Variants in RBFOX1 observed in about 807,000 individuals in gnomAD.
RBFOX1 encodes RNA binding fox-1 homolog 1, also known as RNA binding protein fox-1 homolog 1.
RBFOX1 carries 8 observed loss-of-function variants against 57.7 expected under a neutral mutation model. The observed-to-expected ratio is 0.14, with a 90% CI of 0.08 to 0.25. The LOEUF (loss-of-function observed/expected upper bound fraction) is 0.25. Among genes scored for constraint, RBFOX1 ranks in the 10% least tolerant of loss-of-function variants. RBFOX1 has a pLI of 1.00. For synonymous variants in RBFOX1, 326 were observed against 222.4 expected (o/e 1.47, Z -4.15); for missense variants, 611 against 548.5 (o/e 1.11, Z -1.14).
At chr16:6,390,509 G>A (rs1211757974) in intron 2 of RBFOX1, among the ~76,000 whole-genome samples, 1 of 151,956 alleles carries the variant, frequency 6.6e-6, no homozygotes, top group Non-Finnish European at 1.5e-5. Context: ...AAAAAACAGA[G>A]AAGGTGTCAG....
At chr16:5,439,000 T>G (rs2068001063) in intron 1 of RBFOX1, among the ~76,000 whole-genome samples, 1 of 136,056 alleles carries the variant, frequency 7.3e-6, no homozygotes, top group Admixed American at 7.5e-5. Flanking sequence ...CTGCATATTG[T>G]GAAGGAAACA....
chr16:6,441,262 A>G (rs1203875026), intron 2 of RBFOX1, among the ~76,000 whole-genome samples: 7 of 152,092 alleles, frequency 4.6e-5, no homozygotes, highest in Non-Finnish European at 1.0e-4. Flanking sequence ...AGAGAGTTGT[A>G]AGTATCTCTG....
intron 3 of RBFOX1, among the ~76,000 whole-genome samples, chr16:5,723,997 T>G (rs529557133): frequency 1.2e-4 from 17 of 145,142 alleles, no homozygotes; most frequent in African/African-American, 4.6e-4. Flanking sequence ...AAGAAGAGTG[T>G]CGGTGTATAG....
chr16:5,755,485 A>G (rs1292221251), intron 3 of RBFOX1, among the ~76,000 whole-genome samples: 1 of 152,192 alleles, frequency 6.6e-6, no homozygotes, highest in Non-Finnish European at 1.5e-5. Flanking sequence ...AGTGTTAGGT[A>G]GACCAAAGCA....
At chr16:7,203,140 A>G (rs757858354) in intron 4 of RBFOX1, among the ~76,000 whole-genome samples, 1 of 152,222 alleles carries the variant, frequency 6.6e-6, no homozygotes, top group African/African-American at 2.4e-5. Flanking sequence ...GACTAATACA[A>G]GTGTTTATCA....
chr16:6,595,769 C>T (rs961794772), intron 2 of RBFOX1, among the ~76,000 whole-genome samples: 10 of 152,194 alleles, frequency 6.6e-5, no homozygotes, highest in African/African-American at 1.9e-4. Context: ...TGAAGTACAG[C>T]TCATCATGGA....
At chr16:6,095,103 T>G (rs1264558267) in intron 1 of RBFOX1, among the ~76,000 whole-genome samples, 1 of 152,272 alleles carries the variant, frequency 6.6e-6, no homozygotes, top group East Asian at 1.9e-4. Flanking sequence ...TGAAACCCAG[T>G]GGATTCCTTA....
At chr16:7,217,054 T>TTC (rs2092217794) in intron 4 of RBFOX1, among the ~76,000 whole-genome samples, 21 of 77,022 alleles carry the variant, frequency 2.7e-4, no homozygotes, top group African/African-American at 1.0e-3. Flanking sequence ...CCTCCCTCCC[T>TTC]CTCTCTCCCT....
At chr16:7,518,456 C>T in intron 5 of RBFOX1, 67 bp downstream of exon 5, 3 of 1,532,066 alleles carry the variant, frequency 2.0e-6, no homozygotes, top group African/African-American at 1.4e-5. Context: ...GTAATGGCAG[C>T]GGGGGTGCAC....
At chr16:5,931,736 T>G (rs1334925394) in intron 4 of RBFOX1, among the ~76,000 whole-genome samples, 1 of 152,116 alleles carries the variant, frequency 6.6e-6, no homozygotes, top group African/African-American at 2.4e-5. Context: ...AAATGGCCCC[T>G]GAGATTCCCT....
At chr16:7,134,926 CTT>C (rs575938480) in intron 4 of RBFOX1, among the ~76,000 whole-genome samples, 1 of 141,992 alleles carries the variant, frequency 7.0e-6, no homozygotes, top group African/African-American at 2.6e-5. Context: ...TTGAATTTAT[CTT>C]TTTTTTTTTT....
At chr16:6,611,486 G>C (rs577377421) in intron 2 of RBFOX1, among the ~76,000 whole-genome samples, 1 of 152,028 alleles carries the variant, frequency 6.6e-6, no homozygotes, top group African/African-American at 2.4e-5. Flanking sequence ...TGTTTCCCTC[G>C]GAGAGGTCTC....
intron 3 of RBFOX1, among the ~76,000 whole-genome samples, chr16:5,684,540 T>C (rs2050444073): frequency 6.6e-6 from 1 of 152,212 alleles, no homozygotes; most frequent in Admixed American, 6.5e-5. Flanking sequence ...CACAAACACC[T>C]ACATTTCTCT....
At chr16:7,469,517 G>A (rs2061171185) in intron 4 of RBFOX1, among the ~76,000 whole-genome samples, 2 of 151,986 alleles carry the variant, frequency 1.3e-5, no homozygotes, top group African/African-American at 4.8e-5. Context: ...GCTTGCATGT[G>A]GCATCCTCCA....
Position 5,327,768 on chromosome 16 carries a change from C to T in RBFOX1, c.219+87663C>T, listed in dbSNP as rs58358467. Among the ~76,000 whole-genome samples the T allele has an allele frequency of 7.4e-3, 1,127 of 152,246 alleles. 22 individuals are homozygous for T. The highest frequency in any genetic ancestry group is 0.026 in the African/African-American group (1,060 of 41,542). The stretch of plus-strand genomic sequence containing the variant: ...GAGTCTCTTACCTCATTAAGCCAAG[C>T]GAAAATGAATTACACAAAGATAATT... On this transcript the variant is annotated intron_variant, in intron 1 of 2. Coordinates refer to the RBFOX1 transcript ENST00000585867.
intron 2 of RBFOX1, among the ~76,000 whole-genome samples, chr16:6,349,568 G>C (rs1567990800): frequency 6.6e-6 from 1 of 152,346 alleles, no homozygotes; most frequent in African/African-American, 2.4e-5. Flanking sequence ...TAAACAATTT[G>C]CATGGCTTAC....
chr16:6,227,361 C>G (rs184002373), intron 1 of RBFOX1, among the ~76,000 whole-genome samples: 2 of 152,268 alleles, frequency 1.3e-5, no homozygotes, highest in African/African-American at 4.8e-5. Flanking sequence ...ACCACATTTT[C>G]AGAAAGAGTG....
chr16:5,508,840 G>T (rs1218659339), intron 2 of RBFOX1, among the ~76,000 whole-genome samples: 1 of 152,208 alleles, frequency 6.6e-6, no homozygotes, highest in African/African-American at 2.4e-5. Flanking sequence ...CTGGAATGTG[G>T]TGGGACTGTA....
chr16:5,986,198 G>A (rs1019890325), intron 4 of RBFOX1, among the ~76,000 whole-genome samples: 3 of 151,836 alleles, frequency 2.0e-5, no homozygotes, highest in African/African-American at 7.3e-5. Context: ...CAGGTAGCTG[G>A]GTTTACAGGC....
Sources: gnomAD v4.1 joint callset for allele counts (sites outside exome capture counted in the v4.1 genomes callset) on GRCh38, gnomAD v4.1.1 for gene constraint, MANE v1.5 for transcripts, NCBI Gene and HGNC (gene_info 2026-07-23, HGNC 2026-07-21) for gene names.